Variants in ZNF318 observed in about 807,000 individuals in gnomAD.
The protein encoded by ZNF318 is endocrine regulator.
ZNF318 carries 51 observed loss-of-function variants against 124.2 expected under a neutral mutation model. The ratio of observed to expected loss-of-function variants is 0.41; its 90% CI spans 0.33 to 0.52. The LOEUF (loss-of-function observed/expected upper bound fraction) is 0.52, where lower values mean the gene tolerates loss of function less well. Ranked by LOEUF, ZNF318 falls within the 20% of genes least tolerant of loss-of-function variation. The pLI, the probability that ZNF318 is intolerant of heterozygous loss-of-function variation, is 0.23. For missense variants in ZNF318, 2,815 were observed against 2,811.2 expected (o/e 1.00, Z -0.03); for synonymous variants, 1,090 against 1,040.7 (o/e 1.05, Z -0.91).
chr6:43,353,220 C>G (rs1348500231), intron 4 of ZNF318, among the ~76,000 whole-genome samples: 1 of 152,164 alleles, frequency 6.6e-6, no homozygotes, highest in Non-Finnish European at 1.5e-5. Context: ...AACCTATTCC[C>G]TTTCCCAAAA....
At chr6:43,368,640 C>G in intron 1 of ZNF318, 2 of 983,766 alleles carry the variant, frequency 2.0e-6, no homozygotes, top group East Asian at 1.1e-4. Context: ...CACATCAACT[C>G]TACAAAAAGT....
At chr6:43,349,710 T>C (rs1779500497) in intron 5 of ZNF318, among the ~76,000 whole-genome samples, 1 of 152,160 alleles carries the variant, frequency 6.6e-6, no homozygotes, top group South Asian at 2.1e-4. Context: ...TTTTCCTCAC[T>C]GTGTATGTGA....
chr6:43,352,783 A>G (rs747952966), intron 4 of ZNF318, among the ~76,000 whole-genome samples: 6 of 152,268 alleles, frequency 3.9e-5, no homozygotes, highest in Non-Finnish European at 8.8e-5. Flanking sequence ...TAAAGGAACC[A>G]TATGTGTTAT....
chr6:43,366,812 ACACACG>A (rs1779767337), intron 1 of ZNF318, among the ~76,000 whole-genome samples: 2 of 151,892 alleles, frequency 1.3e-5, no homozygotes, highest in South Asian at 4.2e-4. Context: ...TTACATACAC[ACACACG>A]CACACAAACT....
chr6:43,352,274 ATTT>A, intron 5 of ZNF318, 100 bp downstream of exon 5: 3 of 940,814 alleles, frequency 3.2e-6, no homozygotes, highest in Non-Finnish European at 4.8e-6. Flanking sequence ...TCAAAAAAAA[ATTT>A]TTAATGAAGT....
rs545497827 is a variant in ZNF318, at chr6:43,352,263, G to A, written c.2770+114C>T. The A allele has an allele frequency of 5.6e-5, 23 of 409,526 alleles. No individual in the cohort carries two copies. In the African/African-American group the frequency reaches 9.4e-4, roughly 17 times the overall value. 25.4% of individuals were successfully genotyped at this position (409,526 alleles called of 1,614,324 possible). A position where few individuals can be genotyped will look rare whatever the true frequency, so the allele number is the denominator to read the frequency against. The stretch of plus-strand genomic sequence containing the variant: ...GCAACTTTTTTGTAAGTTTAATTAC[G>A]TCAAAAAAAAATTTTTAATGAAGTT... On this transcript the variant is annotated intron_variant, in intron 5 of 9. Coordinates refer to ENST00000361428, the MANE Select transcript of ZNF318 (RefSeq NM_014345.3).
Position 43,369,325 on chromosome 6 carries a change from C to A in ZNF318, c.41G>T (p.Arg14Leu). The change falls in exon 1 of 10, where the codon CGG becomes CTG. Residue 14 changes from arginine to leucine, a missense_variant. Arg to Leu is a moderately radical substitution (Grantham distance 102, BLOSUM62 -2). Around this residue, in one of 4 missense-constraint regions of ZNF318, gnomAD observed 1,377 missense variants for 1,353.5 expected, o/e 1.02. Transcript: ENST00000361428. ...SSARSSVSSH[R>L]PKDDGGGGPR... ...GCCGCCCCCGCCGTCGTCTTTAGGC[C>A]GGTGGGAAGAGACGGAGGAGCGAGC... is the stretch of plus-strand genomic sequence containing the variant. 2 of 1,345,444 alleles carry A rather than the reference C, an allele frequency of 1.5e-6. No homozygotes were observed. The highest frequency in any genetic ancestry group is 3.0e-5 in the Admixed American group (1 of 33,812). The allele number at this position is 1,345,444 out of a possible 1,614,324, so 83.3% of individuals were successfully genotyped here.
At chr6:43,365,690 G>A (rs1779751472) in intron 1 of ZNF318, among the ~76,000 whole-genome samples, 1 of 152,100 alleles carries the variant, frequency 6.6e-6, no homozygotes, top group East Asian at 1.9e-4. Flanking sequence ...TGGCTGAGGT[G>A]GGAGGATAGC....
At chr6:43,353,789 C>T (rs1379616854) in intron 4 of ZNF318, among the ~76,000 whole-genome samples, 2 of 152,166 alleles carry the variant, frequency 1.3e-5, no homozygotes, top group Non-Finnish European at 2.9e-5. Flanking sequence ...TTAACTCTTC[C>T]ACTCAAAATT....
In ZNF318 at chr6:43,337,750, A is replaced by T. The variant is rs1343227732; in HGVS notation, c.6248T>A (p.Phe2083Tyr). ...LDSPKTLVLDFETEGERNSPN... is the reference protein window; with the variant it reads ...LDSPKTLVLDYETEGERNSPN... ...TGAGTTTCGTTCACCCTCTGTCTCA[A>T]AGTCAAGCACCAAGGTTTTGGGAGA... Residue 2083 changes from phenylalanine (F) to tyrosine (Y), a missense_variant, in exon 10 of 10, where the codon TTT (phenylalanine) becomes TAT (tyrosine). Around this residue, in one of 4 missense-constraint regions of ZNF318, gnomAD observed 927 missense variants for 820.6 expected, o/e 1.13. Coordinates refer to ENST00000361428, the MANE Select transcript of ZNF318 (RefSeq NM_014345.3). The T allele has an allele frequency of 6.2e-7, 1 of 1,614,070 alleles. No homozygotes were observed. The highest frequency in any genetic ancestry group is 1.7e-5 in the Admixed American group (1 of 60,002).
intron 1 of ZNF318, chr6:43,368,674 A>C (rs1243575945): frequency 1.0e-6 from 1 of 985,332 alleles, no homozygotes; most frequent in African/African-American, 1.7e-5. Flanking sequence ...GTTTGGACGA[A>C]ATGCCCCTCG....
At chr6:43,356,265 A>C (rs1426278820) in intron 3 of ZNF318, 120 bp from the exon 4 acceptor site, 28 of 1,016,544 alleles carry the variant, frequency 2.8e-5, no homozygotes, top group Non-Finnish European at 3.8e-5. Context: ...AGTATGGATA[A>C]AAGGGAGGAA....
At chr6:43,352,052 G>A (rs1779532614) in intron 5 of ZNF318, among the ~76,000 whole-genome samples, 1 of 151,992 alleles carries the variant, frequency 6.6e-6, no homozygotes, top group Non-Finnish European at 1.5e-5. Context: ...GCTGAGGCAG[G>A]AGAATCACTT....
rs559743149 is a variant in ZNF318 at position 43,347,576 on chromosome 6, G to T, written c.3072+748C>A. Among the ~76,000 whole-genome samples, 10 of 152,282 alleles carry T rather than the reference G, an allele frequency of 6.6e-5. No individual in the cohort carries two copies. The South Asian group carries it at 2.1e-3, about 32-fold the overall frequency. ...ATAACAATGGAGAAAGAAAAAGTTG[G>T]AAGGAGGTTGAGCACAACCATTAAT... On this transcript the variant is annotated intron_variant, in intron 6 of 9. Coordinates refer to ENST00000361428, the MANE Select transcript of ZNF318 (RefSeq NM_014345.3).
In ZNF318 at chr6:43,337,678, GT is replaced by G; in HGVS notation, c.6319del (p.Thr2107LeufsTer14). The G allele has an allele frequency of 6.2e-7, 1 of 1,614,140 alleles. No individual in the cohort carries two copies. The highest frequency in any genetic ancestry group is 8.5e-7 in the Non-Finnish European group (1 of 1,180,028). On this transcript the variant is annotated frameshift_variant, in exon 10 of 10. Transcript: ENST00000361428. LOFTEE classifies it high-confidence loss of function. ...ACGGTCAACATTTTCTGTAAGTCCA[GT>G]TTTCAAAATGTTAGGAGAAGGGATC... The part of the protein sequence containing the change: ...VRIPSPNILK[T>X]GLTENVDRGL...
At chr6:43,364,008 G>A (rs759257675) in intron 2 of ZNF318, 175 of 729,920 alleles carry the variant, frequency 2.4e-4, no homozygotes, top group Non-Finnish European at 3.7e-4. Context: ...TCATCCCTGC[G>A]CCCAAGGGCA....
chr6:43,367,838 C>T (rs1779781728), intron 1 of ZNF318, among the ~76,000 whole-genome samples: 1 of 152,116 alleles, frequency 6.6e-6, no homozygotes. Flanking sequence ...TAGAGAGCCA[C>T]TCAAAAAAGC....
rs201880537 is a variant in ZNF318 at position 43,352,433 on chromosome 6, C to A, written c.2714G>T (p.Arg905Leu). The change falls in exon 5 of 10, where the codon CGC (arginine) becomes CTC (leucine). Residue 905 changes from arginine (R) to leucine (L), a missense_variant. By Grantham distance (102) the Arg-to-Leu change is moderately radical. Coordinates refer to ENST00000361428, the MANE Select transcript of ZNF318 (RefSeq NM_014345.3). ...CCTAAGATAGTACATCTTCTTCTGG[C>A]GGGCTTCCCGGTCATTCTTTAGTTT... is the stretch of plus-strand genomic sequence containing the variant. ...REKLKNDREA[R>L]QKKMYYLRTE... is the part of the protein sequence containing the mutation. 1.2e-6 allele frequency: 2 copies of A among 1,614,048 alleles called. No individual in the cohort carries two copies. Among genetic ancestry groups the A allele is most frequent in the Non-Finnish European group, 1.7e-6 (2 of 1,179,982 alleles).
At chr6:43,362,970 T>C (rs1779702918) in intron 2 of ZNF318, among the ~76,000 whole-genome samples, 1 of 152,170 alleles carries the variant, frequency 6.6e-6, no homozygotes, top group African/African-American at 2.4e-5. Flanking sequence ...GAGAAATGTG[T>C]AGGGGGCAAC....
Sources: allele counts gnomAD v4.1 joint callset (sites outside exome capture counted in the v4.1 genomes callset), GRCh38; gene constraint gnomAD v4.1.1; regional missense constraint gnomAD v4.1.1; transcripts MANE v1.5; gene names NCBI Gene and HGNC (gene_info 2026-07-23, HGNC 2026-07-21).